MINDY3: variants seen among roughly 807,000 people sequenced by gnomAD.
MINDY3 encodes MINDY lysine 48 deubiquitinase 3, also known as ubiquitin carboxyl-terminal hydrolase MINDY-3.
A neutral mutation model predicts 69.2 loss-of-function variants in MINDY3; 38 were observed. That is an observed-to-expected ratio of 0.55 (90% CI 0.42 to 0.72). The LOEUF (loss-of-function observed/expected upper bound fraction) is 0.72, where lower values mean the gene tolerates loss of function less well. Among genes scored for constraint, MINDY3 ranks in the 30% least tolerant of loss-of-function variants. The probability of loss-of-function intolerance (pLI) is 0.00; values close to 1 mark genes in which losing one functional copy is unlikely to be tolerated. For missense variants in MINDY3, 522 were observed against 519.0 expected (o/e 1.01, Z -0.06); for synonymous variants, 192 against 180.1 (o/e 1.07, Z -0.53).
chr10:15,834,001 C>T (rs1355400646), intron 7 of MINDY3, among the ~76,000 whole-genome samples: 1 of 151,834 alleles, frequency 6.6e-6, no homozygotes, highest in Non-Finnish European at 1.5e-5. Context: ...TTAATATTTA[C>T]AATCTTTAAA....
intron 1 of MINDY3, chr10:15,857,907 TGTATCTTGC>T: frequency 2.1e-6 from 2 of 975,090 alleles, no homozygotes; most frequent in Non-Finnish European, 2.4e-6. Context: ...ATCTTACATC[TGTATCTTGC>T]TTCCAGAAAA....
At chr10:15,793,447 A>T (rs1374972394) in intron 11 of MINDY3, among the ~76,000 whole-genome samples, 4 of 152,154 alleles carry the variant, frequency 2.6e-5, no homozygotes, top group African/African-American at 9.6e-5. Flanking sequence ...TTGATATCAA[A>T]ATAAGTACTG....
At position 15,860,333 on chromosome 10, in the gene MINDY3, G is replaced by T; in HGVS notation, c.-34C>A. ...ACCGGCGGGCGGATCTTCGCTTTGC[G>T]GACTCCTGCCCCGGAACATGGGGAA... On this transcript the variant is annotated 5_prime_UTR_variant, in exon 1 of 15. Transcript: ENST00000277632. The T allele has an allele frequency of 6.7e-7, 1 of 1,500,858 alleles. No individual in the cohort carries two copies. Among genetic ancestry groups the T allele is most frequent in the South Asian group, 1.2e-5 (1 of 84,120 alleles). The allele number at this position is 1,500,858 out of a possible 1,614,324, so 93.0% of individuals were successfully genotyped here. A position where few individuals can be genotyped will look rare whatever the true frequency, so the allele number is the denominator to read the frequency against.
chr10:15,805,865 T>C (rs958004538), intron 10 of MINDY3, among the ~76,000 whole-genome samples: 8 of 152,100 alleles, frequency 5.3e-5, no homozygotes, highest in Admixed American at 2.0e-4. Flanking sequence ...ACATGTAAGT[T>C]ATGAGGGCGG....
intron 11 of MINDY3, among the ~76,000 whole-genome samples, chr10:15,792,501 C>T (rs1354779366): frequency 2.6e-5 from 4 of 151,936 alleles, no homozygotes; most frequent in South Asian, 4.2e-4. Flanking sequence ...CTAACAGTGA[C>T]GGGAGGCCAC....
At chr10:15,814,057 A>C (rs1839192213) in intron 10 of MINDY3, among the ~76,000 whole-genome samples, 1 of 152,084 alleles carries the variant, frequency 6.6e-6, no homozygotes, top group African/African-American at 2.4e-5. Flanking sequence ...ATGTTAAAGA[A>C]GGAATGGCCG....
intron 10 of MINDY3, among the ~76,000 whole-genome samples, chr10:15,796,524 C>A (rs374348875): frequency 2.0e-5 from 3 of 150,276 alleles, no homozygotes; most frequent in East Asian, 2.0e-4. Context: ...AAACCCAAAC[C>A]ATTTTTTCCA....
At chr10:15,834,673 G>T in intron 6 of MINDY3, 57 bp from the exon 7 acceptor site, 2 of 1,191,230 alleles carry the variant, frequency 1.7e-6, no homozygotes, top group Non-Finnish European at 1.2e-6. Context: ...AATTATGACT[G>T]TTTAAAAACT....
chr10:15,778,976 T>C lies in MINDY3; in HGVS notation c.*16A>G, dbSNP rs765078484. 2.5e-6 allele frequency: 4 copies of C among 1,607,372 alleles called. No homozygotes were observed. The Admixed American group carries it at 6.7e-5, about 27-fold the overall frequency. On this transcript the variant is annotated 3_prime_UTR_variant, in exon 15 of 15. Coordinates refer to ENST00000277632, the MANE Select transcript of MINDY3 (RefSeq NM_024948.4). ...ACATCTGTTATTAAGATCTTCCTTATAAATACTTAGACAAATTAATTTAGT... is the reference window on the plus strand; with the variant it reads ...ACATCTGTTATTAAGATCTTCCTTACAAATACTTAGACAAATTAATTTAGT...
intron 8 of MINDY3, among the ~76,000 whole-genome samples, chr10:15,829,145 G>C (rs536203024): frequency 2.0e-5 from 3 of 152,258 alleles, no homozygotes; most frequent in Non-Finnish European, 4.4e-5. Context: ...CTGAGGTAAA[G>C]CACCATAGAT....
intron 3 of MINDY3, among the ~76,000 whole-genome samples, chr10:15,841,994 CACATCTG>C (rs1009526401): frequency 1.3e-5 from 2 of 151,510 alleles, no homozygotes; most frequent in African/African-American, 2.4e-5. Context: ...TTTTTTCCCT[CACATCTG>C]AATTAATCTA....
chr10:15,848,340 A>G (rs1834000435), intron 1 of MINDY3, among the ~76,000 whole-genome samples: 1 of 152,272 alleles, frequency 6.6e-6, no homozygotes, highest in African/African-American at 2.4e-5. Context: ...TAAGCTAATC[A>G]TTACATGGCA....
At chr10:15,840,548 C>A (rs537083073) in intron 4 of MINDY3, among the ~76,000 whole-genome samples, 1 of 151,588 alleles carries the variant, frequency 6.6e-6, no homozygotes, top group African/African-American at 2.4e-5. Context: ...AAATGTGTAT[C>A]CCATACAATT....
At chr10:15,829,570 A>G (rs1045972568) in intron 8 of MINDY3, among the ~76,000 whole-genome samples, 2 of 152,230 alleles carry the variant, frequency 1.3e-5, no homozygotes, top group African/African-American at 2.4e-5. Context: ...CTTGAATGCT[A>G]AGAAGCTGAA....
At chr10:15,801,411 G>C (rs748029394) in intron 10 of MINDY3, among the ~76,000 whole-genome samples, 7 of 152,044 alleles carry the variant, frequency 4.6e-5, no homozygotes, top group Non-Finnish European at 7.4e-5. Context: ...GCTTTCTCTG[G>C]ATCAGTTCTA....
At chr10:15,856,330 T>A (rs891282429) in intron 1 of MINDY3, among the ~76,000 whole-genome samples, 4 of 151,852 alleles carry the variant, frequency 2.6e-5, no homozygotes, top group African/African-American at 9.7e-5. Context: ...TTTTTCATAT[T>A]ACGTAACAAA....
intron 10 of MINDY3, among the ~76,000 whole-genome samples, chr10:15,806,186 G>A (rs1838626881): frequency 6.6e-6 from 1 of 152,094 alleles, no homozygotes. Context: ...GCTGTATGTT[G>A]CTTGTGCCAC....
chr10:15,819,080 G>A (rs1271360410), intron 9 of MINDY3, among the ~76,000 whole-genome samples: 1 of 152,146 alleles, frequency 6.6e-6, no homozygotes, highest in Non-Finnish European at 1.5e-5. Context: ...TTGAGAGGGA[G>A]AGTGCAGGAG....
At chr10:15,790,655 A>G (rs1221687725) in intron 11 of MINDY3, among the ~76,000 whole-genome samples, 3 of 152,166 alleles carry the variant, frequency 2.0e-5, no homozygotes. Context: ...TTGATATTAC[A>G]GGTGGAGTCT....
Sources: gnomAD v4.1 joint callset for allele counts (sites outside exome capture counted in the v4.1 genomes callset) on GRCh38, gnomAD v4.1.1 for gene constraint, MANE v1.5 for transcripts, NCBI Gene and HGNC (gene_info 2026-07-23, HGNC 2026-07-21) for gene names.